SORCS1: variants seen among roughly 807,000 people sequenced by gnomAD.
The protein encoded by SORCS1 is VPS10 domain-containing receptor SorCS1.
SORCS1 carries 60 observed loss-of-function variants against 146.1 expected under a neutral mutation model. The ratio of observed to expected loss-of-function variants is 0.41; its 90% CI spans 0.33 to 0.51. SORCS1 has a LOEUF of 0.51. SORCS1 is among the 20% of genes least tolerant of loss of function. SORCS1 has a pLI of 0.21. For synonymous variants in SORCS1, 637 were observed against 584.0 expected, an observed-to-expected ratio of 1.09 and a Z score of -1.31; for missense variants, 1,352 against 1,487.6, an observed-to-expected ratio of 0.91 and a Z score of 1.50.
chr10:106,667,076 A>G (rs1322375651), intron 17 of SORCS1: 1 of 152,274 alleles, frequency 6.6e-6, no homozygotes, highest in Admixed American at 6.5e-5. Context: ...ATTTGAGACA[A>G]ATTTATGATT....
chr10:107,134,167 G>A (rs1282603601), intron 1 of SORCS1, among the ~76,000 whole-genome samples: 3 of 152,166 alleles, frequency 2.0e-5, no homozygotes, highest in East Asian at 1.9e-4. Flanking sequence ...GGGACCAGGG[G>A]GAGTTAGAAA....
chr10:106,975,879 GGCTCACAC>G (rs1955971608), intron 1 of SORCS1, among the ~76,000 whole-genome samples: 2 of 152,076 alleles, frequency 1.3e-5, no homozygotes, highest in African/African-American at 4.8e-5. Context: ...TGGGCATGGT[GGCTCACAC>G]CTGTAATCCC....
intron 1 of SORCS1, among the ~76,000 whole-genome samples, chr10:107,069,768 T>C (rs1962260351): frequency 6.6e-6 from 1 of 152,252 alleles, no homozygotes; most frequent in Non-Finnish European, 1.5e-5. Flanking sequence ...TCTTATGCAA[T>C]GATTATCACC....
At chr10:106,892,356 C>T (rs924794654) in intron 2 of SORCS1, among the ~76,000 whole-genome samples, 1 of 152,182 alleles carries the variant, frequency 6.6e-6, no homozygotes, top group Non-Finnish European at 1.5e-5. Context: ...TGGTTATTTA[C>T]CTACTTCAAA....
chr10:107,100,350 A>G (rs1964829685), intron 1 of SORCS1, among the ~76,000 whole-genome samples: 1 of 152,060 alleles, frequency 6.6e-6, no homozygotes, highest in Admixed American at 6.6e-5. Context: ...CGTCTCTACT[A>G]AAAATACAAA....
chr10:106,862,700 C>T (rs1180817187), intron 2 of SORCS1, among the ~76,000 whole-genome samples: 7 of 140,812 alleles, frequency 5.0e-5, no homozygotes, highest in Non-Finnish European at 7.5e-5. Flanking sequence ...AATCCCAGCA[C>T]TTTGGGAGGC....
Position 106,577,186 on chromosome 10 carries a change from GT to G in SORCS1, c.*233del. Reference sequence around the variant, plus strand: ...TTGTTTATATTTTATGTTTTGTTTTGTTTTTGTTTTTGTTTTTTTACTGGCG... The same window carrying G: ...TTGTTTATATTTTATGTTTTGTTTTGTTTTGTTTTTGTTTTTTTACTGGCG... On this transcript the variant is annotated 3_prime_UTR_variant, in exon 26 of 26. Transcript: ENST00000263054. 6.8e-7 allele frequency: 1 copy of G among 1,469,752 alleles called. No individual in the cohort carries two copies. The highest frequency in any genetic ancestry group is 1.4e-5 in the African/African-American group (1 of 70,694). 91.0% of individuals were successfully genotyped at this position (1,469,752 alleles called of 1,614,324 possible). A position where few individuals can be genotyped will look rare whatever the true frequency, so the allele number is the denominator to read the frequency against.
chr10:107,078,582 T>G (rs535115602), intron 1 of SORCS1, among the ~76,000 whole-genome samples: 2 of 152,294 alleles, frequency 1.3e-5, no homozygotes, highest in East Asian at 3.9e-4. Context: ...TCAGTTGTGT[T>G]CTCTATCACT....
intron 2 of SORCS1, among the ~76,000 whole-genome samples, chr10:106,927,007 T>C (rs181244052): frequency 6.6e-6 from 1 of 152,242 alleles, no homozygotes; most frequent in Non-Finnish European, 1.5e-5. Context: ...CAATACTACA[T>C]GGCTCAGAGT....
rs749443408 is a variant in SORCS1 at position 106,977,287 on chromosome 10, C to T, written c.559-20707G>A. On this transcript the variant is annotated intron_variant, in intron 1 of 25. Coordinates refer to ENST00000263054, the MANE Select transcript of SORCS1 (RefSeq NM_052918.5). ...TTTGGATTTGCATTTCTCTAATGAT[C>T]CATGATGATGAGCTTTTTTTCATAT... 2.0e-5 allele frequency among the ~76,000 whole-genome samples: 3 copies of T among 152,196 alleles called. No homozygotes were observed. In the South Asian group the frequency reaches 6.2e-4, roughly 32 times the overall value.
At chr10:106,808,406 G>A (rs377709864) in intron 3 of SORCS1, among the ~76,000 whole-genome samples, 12 of 152,316 alleles carry the variant, frequency 7.9e-5, no homozygotes, top group African/African-American at 2.9e-4. Flanking sequence ...CATGCAATGA[G>A]CTAACAGAAT....
At chr10:106,747,626 TC>T (rs1433870282) in intron 5 of SORCS1, among the ~76,000 whole-genome samples, 1 of 152,240 alleles carries the variant, frequency 6.6e-6, no homozygotes, top group African/African-American at 2.4e-5. Context: ...GCATTCTGCA[TC>T]TCGGTAGTTA....
At chr10:107,042,908 G>A (rs1959181287) in intron 1 of SORCS1, among the ~76,000 whole-genome samples, 1 of 152,030 alleles carries the variant, frequency 6.6e-6, no homozygotes, top group African/African-American at 2.4e-5. Flanking sequence ...TGCCGGAAGT[G>A]AACTATTAAA....
intron 17 of SORCS1, among the ~76,000 whole-genome samples, chr10:106,659,496 A>G (rs1013626497): frequency 3.9e-5 from 6 of 152,156 alleles, no homozygotes; most frequent in Admixed American, 1.3e-4. Context: ...TTTGTTTTCT[A>G]TCTTTTGAGG....
chr10:107,138,147 T>A (rs976077837), intron 1 of SORCS1, among the ~76,000 whole-genome samples: 25 of 152,310 alleles, frequency 1.6e-4, no homozygotes, highest in African/African-American at 5.8e-4. Flanking sequence ...TCAATTAATT[T>A]TTTTTTAAAT....
At chr10:106,731,772 G>A (rs930801022) in intron 5 of SORCS1, among the ~76,000 whole-genome samples, 3 of 151,954 alleles carry the variant, frequency 2.0e-5, no homozygotes, top group African/African-American at 7.3e-5. Context: ...TAAAGCTACT[G>A]GAAGGTCTTC....
intron 13 of SORCS1, 95 bp from the exon 14 acceptor site, chr10:106,675,251 T>C: frequency 1.2e-6 from 1 of 859,502 alleles, no homozygotes; most frequent in South Asian, 1.8e-5. Context: ...ATAATACATT[T>C]TAAAAGTAGC....
intron 5 of SORCS1, among the ~76,000 whole-genome samples, chr10:106,751,553 G>A (rs902960411): frequency 6.6e-6 from 1 of 152,016 alleles, no homozygotes; most frequent in African/African-American, 2.4e-5. Context: ...CTGGTTACAG[G>A]GATCTCATTA....
intron 1 of SORCS1, among the ~76,000 whole-genome samples, chr10:106,987,443 C>A (rs371127110): frequency 1.3e-5 from 2 of 152,338 alleles, no homozygotes; most frequent in South Asian, 2.1e-4. Context: ...GAGGCTCTAA[C>A]TTCCATGGCT....
Sources: gnomAD v4.1 joint callset for allele counts (sites outside exome capture counted in the v4.1 genomes callset) on GRCh38, gnomAD v4.1.1 for gene constraint, MANE v1.5 for transcripts, NCBI Gene and HGNC (gene_info 2026-07-23, HGNC 2026-07-21) for gene names.